The following GPD1L variants were observed in gnomAD, a reference collection of about 807,000 sequenced individuals.
The protein encoded by GPD1L is glycerol-3-phosphate dehydrogenase 1-like protein.
In GPD1L, 17 loss-of-function variants were observed where a neutral mutation model predicts 32.9. The ratio of observed to expected loss-of-function variants is 0.52; its 90% confidence interval spans 0.35 to 0.78. GPD1L has a LOEUF of 0.78. Among genes scored for constraint, GPD1L ranks in the 30% least tolerant of loss-of-function variants. The probability of loss-of-function intolerance (pLI) is 0.01; values close to 1 mark genes in which losing one functional copy is unlikely to be tolerated. For missense variants in GPD1L, 361 were observed against 447.8 expected (o/e 0.81, Z 1.75); for synonymous variants, 187 against 165.9 (o/e 1.13, Z -0.98).
chr3:32,113,220 T>C (rs188135511), intron 1 of GPD1L, among the ~76,000 whole-genome samples: 1 of 151,568 alleles, frequency 6.6e-6, no homozygotes, highest in South Asian at 2.1e-4. Context: ...GATCTTAAAA[T>C]TAATTAGAGG....
chr3:32,120,820 G>A (rs1344782747), intron 1 of GPD1L, among the ~76,000 whole-genome samples: 1 of 152,100 alleles, frequency 6.6e-6, no homozygotes, highest in African/African-American at 2.4e-5. Context: ...TTAAAAACAG[G>A]CGTCCATTCC....
intron 2 of GPD1L, among the ~76,000 whole-genome samples, chr3:32,131,752 T>A (rs1221280079): frequency 6.6e-6 from 1 of 152,238 alleles, no homozygotes; most frequent in Non-Finnish European, 1.5e-5. Context: ...TATGAACATA[T>A]GTTTTCATTT....
At chr3:32,119,072 A>G (rs891580081) in intron 1 of GPD1L, among the ~76,000 whole-genome samples, 1 of 152,214 alleles carries the variant, frequency 6.6e-6, no homozygotes, top group Admixed American at 6.5e-5. Flanking sequence ...TGTTGCTATG[A>G]ACATGGGTGT....
At position 32,159,065 on chromosome 3, in the gene GPD1L, G is replaced by C. The variant is rs1470346418; in HGVS notation, c.808G>C (p.Gly270Arg). 6.2e-7 allele frequency: 1 copy of C among 1,613,834 alleles called. No homozygotes were observed. The highest frequency in any genetic ancestry group is 8.5e-7 in the Non-Finnish European group (1 of 1,180,040). Reference sequence around the variant, plus strand: ...CGACCTGATCACCACCTGTTACGGAGGGCGGAACCGCAGGGTGGCCGAGGC... The same window carrying C: ...CGACCTGATCACCACCTGTTACGGACGGCGGAACCGCAGGGTGGCCGAGGC... ...VADLITTCYG[G>R]RNRRVAEAFA... Residue 270 changes from glycine (G) to arginine (R), a missense_variant, in exon 6 of 8, where the codon GGG becomes CGG. By Grantham distance (125) the Gly-to-Arg change is moderately radical. Coordinates refer to ENST00000282541, the MANE Select transcript of GPD1L (RefSeq NM_015141.4).
In GPD1L at chr3:32,109,150, G is replaced by A. The variant is rs112455315; in HGVS notation, c.47+2392G>A. ...AGGCATGAACCACCGTACCCGGCCG[G>A]CTTTGCCAGTTTTAATGTCAAGCTC... On this transcript the variant is annotated intron_variant, in intron 1 of 7. Coordinates refer to ENST00000282541, the MANE Select transcript of GPD1L (RefSeq NM_015141.4). Among the ~76,000 whole-genome samples the A allele has an allele frequency of 3.9e-5, 6 of 152,340 alleles. 1 individual carries two copies. Among genetic ancestry groups the A allele is most frequent in the African/African-American group, 1.4e-4 (6 of 41,588 alleles).
In GPD1L at chr3:32,139,170, T is replaced by C. The variant is rs986416717; in HGVS notation, c.366+443T>C. Among the ~76,000 whole-genome samples, 4 of 152,180 alleles carry C rather than the reference T, an allele frequency of 2.6e-5. No individual in the cohort carries two copies. The East Asian group carries it at 5.8e-4, about 22-fold the overall frequency. On this transcript the variant is annotated intron_variant, in intron 3 of 7. Coordinates refer to ENST00000282541, the MANE Select transcript of GPD1L (RefSeq NM_015141.4). ...TGCATTTAAATGTGGTGGAAAAAAA[T>C]CCTTGCATTCTAACTCATTTTAACC...
At chr3:32,148,491 G>A (rs1287853741) in intron 5 of GPD1L, among the ~76,000 whole-genome samples, 1 of 152,146 alleles carries the variant, frequency 6.6e-6, no homozygotes, top group African/African-American at 2.4e-5. Flanking sequence ...TTTAAAACGA[G>A]ATCAGTTACC....
chr3:32,150,377 A>C (rs1441861224), intron 5 of GPD1L, among the ~76,000 whole-genome samples: 1 of 152,166 alleles, frequency 6.6e-6, no homozygotes, highest in Non-Finnish European at 1.5e-5. Flanking sequence ...CCTTGGCTCA[A>C]GCTGTTTTCC....
intron 1 of GPD1L, among the ~76,000 whole-genome samples, chr3:32,118,939 A>T (rs1700368845): frequency 6.6e-6 from 1 of 152,182 alleles, no homozygotes. Context: ...GTTGTAACGT[A>T]TGTCAGAATT....
At chr3:32,128,563 C>T (rs554534925) in intron 2 of GPD1L, among the ~76,000 whole-genome samples, 2 of 152,258 alleles carry the variant, frequency 1.3e-5, no homozygotes, top group East Asian at 1.9e-4. Context: ...CTCTCCTTGG[C>T]TTATAGATAG....
intron 1 of GPD1L, among the ~76,000 whole-genome samples, chr3:32,118,672 T>G (rs1441874707): frequency 6.6e-6 from 1 of 152,174 alleles, no homozygotes; most frequent in Non-Finnish European, 1.5e-5. Context: ...TTCACATTGT[T>G]CGTATTGAAA....
At chr3:32,158,213 C>T (rs979670087) in intron 5 of GPD1L, 4 of 153,464 alleles carry the variant, frequency 2.6e-5, no homozygotes, top group Non-Finnish European at 5.8e-5. Context: ...TAAATGTGCT[C>T]TATGTAAAAA....
chr3:32,140,008 T>G lies in GPD1L; in HGVS notation c.367-220T>G, dbSNP rs1053137821. Among the ~76,000 whole-genome samples the G allele has an allele frequency of 3.9e-5, 6 of 152,332 alleles. No homozygotes were observed. In the East Asian group the frequency reaches 7.7e-4, roughly 20 times the overall value. ...ACTTGAGAGGAGACACACAGGGGACTTCAGTGGTGTCAGTCACGTTCTATT... is the reference window on the plus strand; with the variant it reads ...ACTTGAGAGGAGACACACAGGGGACGTCAGTGGTGTCAGTCACGTTCTATT... On this transcript the variant is annotated intron_variant, in intron 3 of 7. Transcript: ENST00000282541.
chr3:32,129,623 G>A (rs78113787), intron 2 of GPD1L, among the ~76,000 whole-genome samples: 2,999 of 152,284 alleles, frequency 0.02, 83 homozygotes, highest in East Asian at 0.15. Flanking sequence ...CCCTGAGCAT[G>A]CCGAATCTGT....
intron 2 of GPD1L, among the ~76,000 whole-genome samples, chr3:32,136,775 T>TTC (rs145509069): frequency 0.029 from 4,439 of 152,174 alleles, 304 homozygotes; most frequent in East Asian, 0.25. Context: ...TGTTTTTTTT[T>TTC]CCCCTGTACC....
Position 32,140,952 on chromosome 3 carries a change from C to T in GPD1L, c.505+586C>T, listed in dbSNP as rs148496915. 6.9e-3 allele frequency among the ~76,000 whole-genome samples: 1,051 copies of T among 152,272 alleles called. 8 individuals are homozygous for T. The highest frequency in any genetic ancestry group is 9.7e-3 in the Non-Finnish European group (661 of 68,024). ...ATTAGATACATTATTCTCACATTGA[C>T]GTTATGAAAATTTTCATTTCTTTTG... On this transcript the variant is annotated intron_variant, in intron 4 of 7. Transcript: ENST00000282541.
In GPD1L at chr3:32,138,692, G is replaced by A. The variant is rs776108577; in HGVS notation, c.331G>A (p.Val111Met). ...HRICDEITGRVPKKALGITLI... is the reference protein window; with the variant it reads ...HRICDEITGRMPKKALGITLI... ...AATCTGTGATGAGATCACTGGGAGA[G>A]TGCCCAAGAAAGCGCTGGGAATCAC... The change falls in exon 3 of 8, where the codon GTG (valine) becomes ATG (methionine). Residue 111 changes from valine to methionine, a missense_variant. Val to Met is a conservative substitution (Grantham distance 21). Transcript: ENST00000282541. 1.9e-6 allele frequency: 3 copies of A among 1,614,106 alleles called. No homozygotes were observed. The South Asian group carries it at 3.3e-5, about 18-fold the overall frequency.
chr3:32,121,971 A>G (rs1700430285), intron 1 of GPD1L, among the ~76,000 whole-genome samples: 2 of 151,718 alleles, frequency 1.3e-5, no homozygotes, highest in Non-Finnish European at 2.9e-5. Flanking sequence ...GTGTTTTACC[A>G]TGTTGGTCAG....
At chr3:32,144,245 G>A (rs753444498) in intron 4 of GPD1L, among the ~76,000 whole-genome samples, 20 of 152,206 alleles carry the variant, frequency 1.3e-4, no homozygotes, top group Non-Finnish European at 2.8e-4. Context: ...CTTCTGTGGA[G>A]GGAAAAGATA....
Sources: gnomAD v4.1 joint callset for allele counts (sites outside exome capture counted in the v4.1 genomes callset) on GRCh38, gnomAD v4.1.1 for gene constraint, MANE v1.5 for transcripts, NCBI Gene and HGNC (gene_info 2026-07-23, HGNC 2026-07-21) for gene names.